Variants in GON4L observed in about 807,000 individuals in gnomAD.
GON4L encodes GON-4-like protein.
In GON4L, 87 loss-of-function variants were observed where a neutral mutation model predicts 211.8. The ratio of observed to expected loss-of-function variants is 0.41; its 90% CI spans 0.35 to 0.49. The LOEUF is 0.49. Ranked by LOEUF, GON4L falls within the 20% of genes least tolerant of loss-of-function variation. The pLI is 0.15. For missense variants in GON4L, 2,155 were observed against 2,659.5 expected (o/e 0.81, Z 4.17); for synonymous variants, 875 against 962.6 (o/e 0.91, Z 1.68).
intron 2 of GON4L, among the ~76,000 whole-genome samples, chr1:155,830,370 C>T (rs966493041): frequency 1.1e-4 from 17 of 149,990 alleles, no homozygotes; most frequent in African/African-American, 3.2e-4. Context: ...CTCCGCCTCC[C>T]GGGTTCAAGA....
intron 17 of GON4L, 79 bp downstream of exon 17, chr1:155,774,923 C>A (rs1663620425): frequency 1.2e-6 from 2 of 1,603,484 alleles, no homozygotes; most frequent in Non-Finnish European, 1.7e-6. Context: ...AGGCAAGTAT[C>A]CTTAGTTATC....
intron 1 of GON4L, among the ~76,000 whole-genome samples, chr1:155,856,525 C>A (rs181289234): frequency 4.5e-4 from 69 of 152,194 alleles, no homozygotes; most frequent in Middle Eastern, 6.8e-3. Context: ...CGTGAGCCAC[C>A]GCGCCCGACC....
chr1:155,764,723 G>T, intron 21 of GON4L: 1 of 979,410 alleles, frequency 1.0e-6, no homozygotes, highest in Non-Finnish European at 1.5e-6. Flanking sequence ...ACAGGAGTGA[G>T]CCACCAAGCC....
chr1:155,814,647 G>A lies in GON4L; in HGVS notation c.1162-198C>T, dbSNP rs150536786. Among the ~76,000 whole-genome samples the A allele has an allele frequency of 6.8e-3, 1,039 of 152,128 alleles. 5 individuals carry two copies. The highest frequency in any genetic ancestry group is 8.3e-3 in the Admixed American group (127 of 15,254). The stretch of plus-strand genomic sequence containing the variant: ...TGTAATCCCAGCTACTCGGGAGGCT[G>A]AGGCAGGAGTATCACTTGAATCCAG... On this transcript the variant is annotated intron_variant, in intron 8 of 31. Coordinates refer to ENST00000368331, the MANE Select transcript of GON4L (RefSeq NM_001282860.2).
intron 8 of GON4L, among the ~76,000 whole-genome samples, chr1:155,815,087 G>A (rs1438639042): frequency 6.6e-6 from 1 of 152,036 alleles, no homozygotes; most frequent in Non-Finnish European, 1.5e-5. Context: ...CACTCCATGG[G>A]CAACAGAGGA....
chr1:155,854,988 C>T (rs1672140229), intron 1 of GON4L, among the ~76,000 whole-genome samples: 1 of 151,138 alleles, frequency 6.6e-6, no homozygotes, highest in Non-Finnish European at 1.5e-5. Flanking sequence ...GAGCCGAGAT[C>T]ACTCCCCATT....
intron 1 of GON4L, among the ~76,000 whole-genome samples, chr1:155,854,545 CCTT>C (rs1296845703): frequency 1.3e-5 from 2 of 152,150 alleles, no homozygotes; most frequent in African/African-American, 2.4e-5. Context: ...TCCCAAGTCA[CCTT>C]CTCTCCAGCT....
Position 155,750,194 on chromosome 1 carries a change from G to A in GON4L, c.*390C>T. ...GCAATAAAAACAGCTGGATGCAGGA[G>A]CCCAGTGTCTTCATGCAGAGGAGCT... On this transcript the variant is annotated 3_prime_UTR_variant, in exon 32 of 32. Coordinates refer to ENST00000368331, the MANE Select transcript of GON4L (RefSeq NM_001282860.2). 1.8e-6 allele frequency: 1 copy of A among 562,456 alleles called. No homozygotes were observed. The highest frequency in any genetic ancestry group is 3.1e-6 in the Non-Finnish European group (1 of 317,492). 34.8% of individuals were successfully genotyped at this position (562,456 alleles called of 1,614,324 possible). A position where few individuals can be genotyped will look rare whatever the true frequency, so the allele number is the denominator to read the frequency against.
chr1:155,766,740 A>G (rs1307400103), intron 20 of GON4L, 31 bp from the exon 21 acceptor site: 7 of 1,613,288 alleles, frequency 4.3e-6, no homozygotes, highest in East Asian at 4.5e-5. Flanking sequence ...CTGATCCAGC[A>G]TATGTCAGAA....
chr1:155,748,192 T>C (rs1571595270), downstream of GON4L: 12 of 1,465,836 alleles, frequency 8.2e-6, no homozygotes, highest in East Asian at 2.3e-5. Flanking sequence ...TCCCAGTCAG[T>C]CGCTGTCTGT....
chr1:155,822,695 G>C, intron 3 of GON4L, among the ~76,000 whole-genome samples: 1 of 152,218 alleles, frequency 6.6e-6, no homozygotes, highest in South Asian at 2.1e-4. Context: ...GCCAATGTTT[G>C]AGAAAGGGGG....
rs1662353085 is a variant in GON4L at position 155,765,482 on chromosome 1, C to T, written c.3991G>A (p.Glu1331Lys). Residue 1331 changes from glutamate to lysine, a missense_variant, in exon 21 of 32, where the codon GAA (glutamate) becomes AAA (lysine). By Grantham distance (56) the Glu-to-Lys change is moderately conservative. This residue lies in a region of GON4L where 615 missense variants were observed against 625.7 expected (regional missense o/e 0.98). Coordinates refer to ENST00000368331, the MANE Select transcript of GON4L (RefSeq NM_001282860.2). ...LEEIVKMEPE[E>K]AREEISGSPE... ...GATCCACTGATTTCCTCTCTAGCTTCTTCAGGTTCCATCTTGACAATTTCC... is the reference window on the plus strand; with the variant it reads ...GATCCACTGATTTCCTCTCTAGCTTTTTCAGGTTCCATCTTGACAATTTCC... 1 of 1,614,064 alleles carries T rather than the reference C, an allele frequency of 6.2e-7. No individual in the cohort carries two copies. The highest frequency in any genetic ancestry group is 1.7e-5 in the Admixed American group (1 of 59,996).
intron 24 of GON4L, among the ~76,000 whole-genome samples, chr1:155,759,958 TTA>T (rs144934377): frequency 7.3e-6 from 1 of 136,174 alleles, no homozygotes; most frequent in Non-Finnish European, 1.5e-5. Context: ...AATTTATATT[TTA>T]TATATTATAT....
intron 5 of GON4L, among the ~76,000 whole-genome samples, chr1:155,821,229 G>A (rs570951540): frequency 6.6e-6 from 1 of 151,828 alleles, no homozygotes; most frequent in Admixed American, 6.6e-5. Flanking sequence ...TCGCGCCACT[G>A]CGCTCCAGCC....
chr1:155,852,537 T>C lies in GON4L; in HGVS notation c.505+739A>G, dbSNP rs774538208. 1.2e-4 allele frequency among the ~76,000 whole-genome samples: 18 copies of C among 151,738 alleles called. No individual in the cohort carries two copies. In the East Asian group the frequency reaches 1.4e-3, roughly 12 times the overall value. On this transcript the variant is annotated intron_variant, in intron 2 of 31. Transcript: ENST00000368331. The stretch of plus-strand genomic sequence containing the variant: ...CGGGCGGATCACGAGGTCAGGAGAC[T>C]GAGACCATCCTGGCTAACACAGTGA...
chr1:155,770,223 AAAAACAAAAC>A (rs1195194997), intron 19 of GON4L, among the ~76,000 whole-genome samples: 1 of 151,992 alleles, frequency 6.6e-6, no homozygotes, highest in Non-Finnish European at 1.5e-5. Flanking sequence ...AGAAAAAAAC[AAAAACAAAAC>A]AAAACAAAAG....
intron 2 of GON4L, among the ~76,000 whole-genome samples, chr1:155,837,776 T>C (rs1040793356): frequency 2.6e-5 from 4 of 152,098 alleles, no homozygotes; most frequent in Non-Finnish European, 5.9e-5. Context: ...GTTTTAAAAT[T>C]AAAACTGTTA....
chr1:155,752,060 C>A lies in GON4L; in HGVS notation c.6373G>T (p.Gly2125Cys). Residue 2125 changes from glycine to cysteine, a missense_variant, in exon 30 of 32, where the codon GGT becomes TGT. This residue lies in a region of GON4L where 186 missense variants were observed against 308.1 expected (regional missense o/e 0.60). Coordinates refer to ENST00000368331, the MANE Select transcript of GON4L (RefSeq NM_001282860.2). ...TTTGGCTGCTGCTCCCCCTCTGGAC[C>A]CTTGGCCTGTGTTCCACTGTCTTTA... Reference protein sequence around the residue: ...LAKDSGTQAKGPEGEQQPKAA... With the variant: ...LAKDSGTQAKCPEGEQQPKAA... The A allele has an allele frequency of 6.2e-7, 1 of 1,613,766 alleles. No individual in the cohort carries two copies. The highest frequency in any genetic ancestry group is 8.5e-7 in the Non-Finnish European group (1 of 1,179,722).
chr1:155,853,892 G>A (rs970649552), intron 1 of GON4L, 86 bp from the exon 2 acceptor site: 4 of 877,292 alleles, frequency 4.6e-6, no homozygotes, highest in South Asian at 1.5e-5. Context: ...ATTCATGTTC[G>A]ATCATGAACA....
Sources: allele counts gnomAD v4.1 joint callset (sites outside exome capture counted in the v4.1 genomes callset), GRCh38; gene constraint gnomAD v4.1.1; regional missense constraint gnomAD v4.1.1; transcripts MANE v1.5; gene names NCBI Gene and HGNC (gene_info 2026-07-23, HGNC 2026-07-21).